Variants in ZNF404 observed in about 807,000 individuals in gnomAD.
The protein encoded by ZNF404 is zinc finger protein 404.
In ZNF404, 7 loss-of-function variants were observed where a neutral mutation model predicts 7.3. The ratio of observed to expected loss-of-function variants is 0.95; its 90% CI spans 0.54 to 1.79. The LOEUF (loss-of-function observed/expected upper bound fraction) is 1.79, where lower values mean the gene tolerates loss of function less well. ZNF404 is among the 40% of genes most tolerant of loss of function. The probability of loss-of-function intolerance (pLI) is 0.00; values close to 1 mark genes in which losing one functional copy is unlikely to be tolerated. For missense variants in ZNF404, 560 were observed against 661.5 expected (o/e 0.85, Z 1.68); for synonymous variants, 191 against 209.9 (o/e 0.91, Z 0.78).
At chr19:43,883,696 C>A (rs937414903) in intron 1 of ZNF404, among the ~76,000 whole-genome samples, 4 of 152,188 alleles carry the variant, frequency 2.6e-5, no homozygotes, top group African/African-American at 9.6e-5. Context: ...GTACTTCACT[C>A]TTTCACTGCT....
At chr19:43,877,774 C>T (rs939589106) in intron 2 of ZNF404, among the ~76,000 whole-genome samples, 2 of 141,136 alleles carry the variant, frequency 1.4e-5, no homozygotes, top group African/African-American at 5.3e-5. Context: ...TGATGTTCCC[C>T]TTCCTGTGTC....
chr19:43,874,882 T>C (rs1971841365), intron 2 of ZNF404, among the ~76,000 whole-genome samples: 1 of 152,180 alleles, frequency 6.6e-6, no homozygotes, highest in African/African-American at 2.4e-5. Context: ...TCCCTACCAT[T>C]GGTAAGTATT....
In ZNF404 at chr19:43,873,506, A is replaced by G; in HGVS notation, c.708T>C (p.Ile236=). Residue 236 remains isoleucine, a synonymous_variant, in exon 3 of 3, where the codon ATT becomes ATC. Transcript: ENST00000587539. ...ATTCAAAGGGTTTCAAGCCAACATGAATTTTCTGATGTTCTGTAAGGTGAG... is the reference window on the plus strand; with the variant it reads ...ATTCAAAGGGTTTCAAGCCAACATGGATTTTCTGATGTTCTGTAAGGTGAG... ...RHSHLTEHQK[I]HVGLKPFECK... 2 of 1,613,440 alleles carry G rather than the reference A, an allele frequency of 1.2e-6. No homozygotes were observed.
chr19:43,881,235 T>C (rs576472893), intron 1 of ZNF404, among the ~76,000 whole-genome samples: 2 of 152,214 alleles, frequency 1.3e-5, no homozygotes, highest in South Asian at 2.1e-4. Context: ...TTCTAGCCAG[T>C]GCAACTCAGG....
At position 43,872,659 on chromosome 19, in the gene ZNF404, C is replaced by A; in HGVS notation, c.1555G>T (p.Gly519Cys). 6.2e-7 allele frequency: 1 copy of A among 1,613,054 alleles called. No individual in the cohort carries two copies. The highest frequency in any genetic ancestry group is 1.1e-5 in the South Asian group (1 of 90,976). ...TCTTTGCATTTCTGTGGTTTCACAC[C>A]AGTATGAATTGTCTCATGTTGAGTA... ...RLTQHETIHT[G>C]VKPQKCKECG... Residue 519 changes from glycine (G) to cysteine (C), a missense_variant, in exon 3 of 3, where the codon GGT becomes TGT. Transcript: ENST00000587539. This position sits in a 1 kb window ranked among gnomAD's most constrained non-coding sequence, Gnocchi z 4.4.
At chr19:43,877,727 TC>T (rs1451989709) in intron 2 of ZNF404, among the ~76,000 whole-genome samples, 2 of 83,096 alleles carry the variant, frequency 2.4e-5, no homozygotes, top group Non-Finnish European at 4.6e-5. Flanking sequence ...ATGCTATCCC[TC>T]CCCCCTCCCC....
chr19:43,882,661 T>G (rs1971905773), intron 1 of ZNF404, among the ~76,000 whole-genome samples: 1 of 151,944 alleles, frequency 6.6e-6, no homozygotes, highest in Non-Finnish European at 1.5e-5. Flanking sequence ...TATGGTGGCT[T>G]ATGCCTGTAA....
chr19:43,872,967 C>T lies in ZNF404; in HGVS notation c.1247G>A (p.Cys416Tyr), dbSNP rs777198921. 2.5e-6 allele frequency: 4 copies of T among 1,604,790 alleles called. No individual in the cohort carries two copies. The highest frequency in any genetic ancestry group is 8.5e-7 in the Non-Finnish European group (1 of 1,174,844). ...TDLKPYECKQ[C>Y]GKAFSRVGDL... is the part of the protein sequence containing the mutation. The stretch of plus-strand genomic sequence containing the variant: ...TCCAACACGACTGAAGGCTTTCCCA[C>T]ATTGCTTACATTCATATGGCTTCAA... The change falls in exon 3 of 3, where the codon TGT (cysteine) becomes TAT (tyrosine). Residue 416 changes from cysteine (C) to tyrosine (Y), a missense_variant. By Grantham distance (194) the Cys-to-Tyr change is radical (BLOSUM62 -2). Transcript: ENST00000587539. This position sits in a 1 kb window ranked among gnomAD's most constrained non-coding sequence, Gnocchi z 4.4.
chr19:43,883,850 A>G, intron 1 of ZNF404, 106 bp downstream of exon 1: 1 of 1,244,788 alleles, frequency 8.0e-7, no homozygotes, highest in South Asian at 1.3e-5. Flanking sequence ...ATAGGTTCCA[A>G]GAGAGAGCTT....
At chr19:43,878,710 G>GT (rs1437856652) in intron 2 of ZNF404, among the ~76,000 whole-genome samples, 1 of 152,294 alleles carries the variant, frequency 6.6e-6, no homozygotes, top group African/African-American at 2.4e-5. Context: ...GCCAGGAGTG[G>GT]TAAGTTGGCC....
At chr19:43,874,590 T>C (rs1186577663) in intron 2 of ZNF404, among the ~76,000 whole-genome samples, 3 of 152,152 alleles carry the variant, frequency 2.0e-5, no homozygotes, top group African/African-American at 7.2e-5. Context: ...CCACATTGCA[T>C]CTTTTCAGCT....
rs756808943 is a variant in ZNF404, at chr19:43,872,977, A to G, written c.1237T>C (p.Cys413Arg). 5.6e-6 allele frequency: 9 copies of G among 1,604,514 alleles called. No individual in the cohort carries two copies. The highest frequency in any genetic ancestry group is 2.2e-5 in the South Asian group (2 of 90,076). The change falls in exon 3 of 3, where the codon TGT becomes CGT. Residue 413 changes from cysteine to arginine, a missense_variant. Physicochemically the swap from Cys to Arg is radical, Grantham distance 180 (BLOSUM62 -3). Coordinates refer to ENST00000587539, the MANE Select transcript of ZNF404 (RefSeq NM_001033719.3). The surrounding 1 kb of genome is among the most constrained non-coding windows in gnomAD (Gnocchi z 4.4). ...IIHTDLKPYE[C>R]KQCGKAFSRV... ...CTGAAGGCTTTCCCACATTGCTTAC[A>G]TTCATATGGCTTCAAATCAGTATGA...
intron 1 of ZNF404, among the ~76,000 whole-genome samples, chr19:43,880,377 TA>T (rs1022656799): frequency 1.3e-5 from 2 of 151,984 alleles, no homozygotes; most frequent in African/African-American, 4.8e-5. Flanking sequence ...TCCAAATATA[TA>T]AAAATAAATG....
intron 1 of ZNF404, among the ~76,000 whole-genome samples, chr19:43,882,871 T>C (rs1207231118): frequency 6.6e-6 from 1 of 150,482 alleles, no homozygotes; most frequent in Non-Finnish European, 1.5e-5. Context: ...AAGGCTGAGG[T>C]GGGCAGATCA....
At chr19:43,878,031 C>T (rs1215312800) in intron 2 of ZNF404, among the ~76,000 whole-genome samples, 4 of 121,646 alleles carry the variant, frequency 3.3e-5, no homozygotes, top group African/African-American at 9.6e-5. Flanking sequence ...TGAATAATGC[C>T]GCAATAAACA....
chr19:43,873,271 C>A lies in ZNF404; in HGVS notation c.943G>T (p.Val315Phe). ...EKAFVRSYLL[V>F]EHQRSHTGEK... is the part of the protein sequence containing the mutation. ...CCAGTATGACTTCTTTGATGTTCAA[C>A]AAGTAGATAGCTGCGAACAAAGGCC... Residue 315 changes from valine (V) to phenylalanine (F), a missense_variant, in exon 3 of 3, where the codon GTT (valine) becomes TTT (phenylalanine). By Grantham distance (50) the Val-to-Phe change is conservative (BLOSUM62 -1). Coordinates refer to ENST00000587539, the MANE Select transcript of ZNF404 (RefSeq NM_001033719.3). 1 of 1,613,536 alleles carries A rather than the reference C, an allele frequency of 6.2e-7. No homozygotes were observed. Among genetic ancestry groups the A allele is most frequent in the Non-Finnish European group, 8.5e-7 (1 of 1,179,656 alleles).
Position 43,872,856 on chromosome 19 carries a change from T to C in ZNF404, c.1358A>G (p.Gln453Arg), listed in dbSNP as rs1432837761. Reference sequence around the variant, plus strand: ...ATGAATTGTCTGATGATAAATTAGTTGAGAATTAAGTCTAAAGGTTTTTCC... The same window carrying C: ...ATGAATTGTCTGATGATAAATTAGTCGAGAATTAAGTCTAAAGGTTTTTCC... ...ECGKTFRLNS[Q>R]LIYHQTIHTG... The change falls in exon 3 of 3, where the codon CAA (glutamine) becomes CGA (arginine). Residue 453 changes from glutamine (Q) to arginine (R), a missense_variant. Gln to Arg is a conservative substitution (Grantham distance 43). Coordinates refer to ENST00000587539, the MANE Select transcript of ZNF404 (RefSeq NM_001033719.3). This position sits in a 1 kb window ranked among gnomAD's most constrained non-coding sequence, Gnocchi z 4.4. 2.5e-6 allele frequency: 4 copies of C among 1,608,250 alleles called. No individual in the cohort carries two copies. In the South Asian group the frequency reaches 4.4e-5, roughly 18 times the overall value.
intron 1 of ZNF404, among the ~76,000 whole-genome samples, chr19:43,882,221 T>C (rs1174709270): frequency 6.6e-6 from 1 of 152,168 alleles, no homozygotes; most frequent in African/African-American, 2.4e-5. Flanking sequence ...GACAACTGGC[T>C]TTAAACAAGT....
Position 43,873,689 on chromosome 19 carries a change from A to C in ZNF404, c.525T>G (p.Ile175Met), listed in dbSNP as rs1971830955. The change falls in exon 3 of 3, where the codon ATT becomes ATG. Residue 175 changes from isoleucine (I) to methionine (M), a missense_variant. Coordinates refer to ENST00000587539, the MANE Select transcript of ZNF404 (RefSeq NM_001033719.3). ...GKAFVVFQHF[I>M]RHRKIHTDLK... The stretch of plus-strand genomic sequence containing the variant: ...AATCAGTGTGGATTTTTCGATGTCT[A>C]ATAAAATGCTGGAAAACTACAAATG... 2 of 1,613,372 alleles carry C rather than the reference A, an allele frequency of 1.2e-6. No homozygotes were observed. The highest frequency in any genetic ancestry group is 1.7e-6 in the Non-Finnish European group (2 of 1,179,624).
Sources: allele counts gnomAD v4.1 joint callset (sites outside exome capture counted in the v4.1 genomes callset), GRCh38; gene constraint gnomAD v4.1.1; non-coding constraint Gnocchi (gnomAD v3.1); transcripts MANE v1.5; gene names NCBI Gene and HGNC (gene_info 2026-07-23, HGNC 2026-07-21).